The following PEX7 variants were observed in gnomAD, a reference collection of about 807,000 sequenced individuals.
The protein encoded by PEX7 is peroxisomal biogenesis factor 7.
PEX7 carries 34 observed loss-of-function variants against 47.5 expected under a neutral mutation model. That is an observed-to-expected ratio of 0.72 (90% CI 0.54 to 0.95). The LOEUF (loss-of-function observed/expected upper bound fraction) is 0.95. Among genes scored for constraint, PEX7 ranks in the 40% least tolerant of loss-of-function variants. PEX7 has a pLI of 0.00. For synonymous variants in PEX7, 141 were observed against 148.8 expected (o/e 0.95, Z 0.38); for missense variants, 394 against 400.3 (o/e 0.98, Z 0.13).
intron 9 of PEX7, among the ~76,000 whole-genome samples, chr6:136,908,825 A>C (rs901336380): frequency 6.6e-6 from 1 of 151,844 alleles, no homozygotes; most frequent in African/African-American, 2.4e-5. Context: ...ACTTACTCGG[A>C]TGTATCCCAC....
chr6:136,874,847 C>T (rs1775242273), intron 8 of PEX7, among the ~76,000 whole-genome samples: 1 of 151,794 alleles, frequency 6.6e-6, no homozygotes, highest in Non-Finnish European at 1.5e-5. Context: ...TCAATTAGAA[C>T]TACTTTTTTC....
chr6:136,902,940 A>C (rs1248575946), intron 9 of PEX7, among the ~76,000 whole-genome samples: 1 of 152,178 alleles, frequency 6.6e-6, no homozygotes, highest in African/African-American at 2.4e-5. Flanking sequence ...AATAAGCTTT[A>C]ATGTTTTCCT....
intron 3 of PEX7, among the ~76,000 whole-genome samples, chr6:136,837,821 C>T (rs1460485049): frequency 6.6e-6 from 1 of 151,610 alleles, no homozygotes; most frequent in Non-Finnish European, 1.5e-5. Flanking sequence ...GCCACACACA[C>T]ACACACACAC....
At chr6:136,901,747 A>G (rs1775757387) in intron 9 of PEX7, among the ~76,000 whole-genome samples, 1 of 152,118 alleles carries the variant, frequency 6.6e-6, no homozygotes, top group Non-Finnish European at 1.5e-5. Context: ...AATCTGCCAC[A>G]CTAACCTGTG....
At chr6:136,888,739 A>G (rs1213065794) in intron 8 of PEX7, among the ~76,000 whole-genome samples, 7 of 152,276 alleles carry the variant, frequency 4.6e-5, no homozygotes, top group Non-Finnish European at 1.0e-4. Context: ...TTTGAATTAA[A>G]TGAAAAATTG....
chr6:136,907,082 G>A (rs1426644967), intron 9 of PEX7, among the ~76,000 whole-genome samples: 7 of 152,022 alleles, frequency 4.6e-5, no homozygotes, highest in Non-Finnish European at 1.0e-4. Flanking sequence ...CTCCGCCTCT[G>A]CCTATGGAAA....
chr6:136,873,014 G>C (rs1422032831), intron 8 of PEX7, among the ~76,000 whole-genome samples: 2 of 152,046 alleles, frequency 1.3e-5, no homozygotes, highest in African/African-American at 2.4e-5. Flanking sequence ...TTCTCTGTTA[G>C]AGTGTGGTTA....
intron 5 of PEX7, among the ~76,000 whole-genome samples, chr6:136,863,829 A>C (rs938028544): frequency 3.3e-5 from 5 of 152,168 alleles, no homozygotes; most frequent in African/African-American, 9.6e-5. Context: ...GGATTGCTTG[A>C]GTCTGGGAGG....
chr6:136,866,647 T>G lies in PEX7; in HGVS notation c.547T>G (p.Trp183Gly). Reference sequence around the variant, plus strand: ...ACTAGGTGATCAGACTCTGAGAATATGGGATGTGAAGGCAGCAGGAGTAAG... The same window carrying G: ...ACTAGGTGATCAGACTCTGAGAATAGGGGATGTGAAGGCAGCAGGAGTAAG... ...SASGDQTLRI[W>G]DVKAAGVRIV... Residue 183 changes from tryptophan to glycine, a missense_variant, in exon 6 of 10, where the codon TGG (tryptophan) becomes GGG (glycine). Transcript: ENST00000318471. 1 of 1,614,002 alleles carries G rather than the reference T, an allele frequency of 6.2e-7. No individual in the cohort carries two copies. The highest frequency in any genetic ancestry group is 8.5e-7 in the Non-Finnish European group (1 of 1,179,944).
chr6:136,852,873 A>G (rs907173331), intron 5 of PEX7, among the ~76,000 whole-genome samples: 14 of 101,196 alleles, frequency 1.4e-4, no homozygotes, highest in African/African-American at 2.0e-4. Context: ...AGCCAAAAGA[A>G]CAAAGCTGGA....
intron 8 of PEX7, among the ~76,000 whole-genome samples, chr6:136,890,573 A>G (rs376615133): frequency 6.6e-6 from 1 of 150,528 alleles, no homozygotes; most frequent in Non-Finnish European, 1.5e-5. Context: ...CCCCCTCCTC[A>G]CCCCCATCAC....
chr6:136,873,999 A>G (rs1329576664), intron 8 of PEX7, among the ~76,000 whole-genome samples: 1 of 152,110 alleles, frequency 6.6e-6, no homozygotes, highest in Non-Finnish European at 1.5e-5. Flanking sequence ...TTTTCTCACC[A>G]TGGTGTTGAA....
intron 9 of PEX7, among the ~76,000 whole-genome samples, chr6:136,906,005 G>A (rs904677958): frequency 6.6e-6 from 1 of 152,176 alleles, no homozygotes; most frequent in South Asian, 2.1e-4. Context: ...CCTTAGATAA[G>A]CACTTATTTG....
At chr6:136,858,092 C>T (rs989262318) in intron 5 of PEX7, among the ~76,000 whole-genome samples, 1 of 152,234 alleles carries the variant, frequency 6.6e-6, no homozygotes, top group African/African-American at 2.4e-5. Flanking sequence ...GCTGGGATTA[C>T]AGGCATGAGC....
intron 3 of PEX7, among the ~76,000 whole-genome samples, chr6:136,829,558 T>A (rs935704251): frequency 5.9e-5 from 9 of 152,194 alleles, no homozygotes; most frequent in Non-Finnish European, 4.4e-5. Context: ...TTCAGTCCAT[T>A]GCATATGCCA....
chr6:136,846,583 A>T (rs1774606881), intron 5 of PEX7, among the ~76,000 whole-genome samples: 1 of 152,040 alleles, frequency 6.6e-6, no homozygotes, highest in Non-Finnish European at 1.5e-5. Context: ...TATGAGTGAG[A>T]ACATGCGGTG....
intron 8 of PEX7, among the ~76,000 whole-genome samples, chr6:136,875,082 T>A (rs891038784): frequency 1.8e-4 from 27 of 151,914 alleles, no homozygotes; most frequent in Non-Finnish European, 3.4e-4. Context: ...GAAGTTGCAG[T>A]GAGCCGAGAT....
chr6:136,906,631 T>G (rs1025326835), intron 9 of PEX7, among the ~76,000 whole-genome samples: 2 of 152,164 alleles, frequency 1.3e-5, no homozygotes, highest in East Asian at 3.8e-4. Context: ...GACAGACATA[T>G]CATGTGCCTG....
chr6:136,825,520 A>T (rs1448563531), intron 2 of PEX7, among the ~76,000 whole-genome samples: 2 of 150,750 alleles, frequency 1.3e-5, no homozygotes, highest in Admixed American at 1.3e-4. Context: ...ACATAGGAGG[A>T]CCCCGTCTCT....
Sources: allele counts gnomAD v4.1 joint callset (sites outside exome capture counted in the v4.1 genomes callset), GRCh38; gene constraint gnomAD v4.1.1; transcripts MANE v1.5; gene names NCBI Gene and HGNC (gene_info 2026-07-23, HGNC 2026-07-21).